The following GGNBP2 variants were observed in gnomAD, a reference collection of about 807,000 sequenced individuals.
GGNBP2 encodes the protein gametogenetin binding protein 2, also known as gametogenetin-binding protein 2.
Under a neutral mutation model 85.9 loss-of-function variants are expected in GGNBP2, and 10 were observed. The observed-to-expected ratio is 0.12, with a 90% CI of 0.07 to 0.20. The LOEUF (loss-of-function observed/expected upper bound fraction) is 0.20, where lower values mean the gene tolerates loss of function less well. Among genes scored for constraint, GGNBP2 ranks in the 10% least tolerant of loss-of-function variants. The pLI is 1.00. For synonymous variants in GGNBP2, 287 were observed against 285.7 expected (o/e 1.00, Z -0.05); for missense variants, 595 against 857.8 (o/e 0.69, Z 3.83).
At chr17:36,563,899 A>C (rs1424137912) in intron 5 of GGNBP2, among the ~76,000 whole-genome samples, 1 of 151,944 alleles carries the variant, frequency 6.6e-6, no homozygotes, top group African/African-American at 2.4e-5. Context: ...ACCTGCTACC[A>C]TGCCCGGCTA....
intron 4 of GGNBP2, among the ~76,000 whole-genome samples, chr17:36,558,078 G>C (rs1003689915): frequency 6.6e-6 from 1 of 150,782 alleles, no homozygotes. Flanking sequence ...CGCCACTGCA[G>C]TCCAGCCAGG....
Position 36,581,495 on chromosome 17 carries a change from C to T in GGNBP2, c.1172C>T (p.Thr391Ile). Residue 391 changes from threonine (T) to isoleucine (I), a missense_variant, in exon 9 of 14, where the codon ACT becomes ATT. Physicochemically the swap from Thr to Ile is moderately conservative, Grantham distance 89 (BLOSUM62 -1). Around this residue, in one of 9 missense-constraint regions of GGNBP2, gnomAD observed 85 missense variants for 92.6 expected, o/e 0.92. Coordinates refer to ENST00000613102, the MANE Select transcript of GGNBP2 (RefSeq NM_024835.5). ...AATAAGTGTGTGTGTGATATTCCTA[C>T]TCCCTTACAAACAGCAGATGAAAAG... Reference protein sequence around the residue: ...RKNKCVCDIPTPLQTADEKEV... With the variant: ...RKNKCVCDIPIPLQTADEKEV... 6.2e-7 allele frequency: 1 copy of T among 1,612,426 alleles called. No individual in the cohort carries two copies. Among genetic ancestry groups the T allele is most frequent in the Non-Finnish European group, 8.5e-7 (1 of 1,179,412 alleles).
Position 36,587,075 on chromosome 17 carries a change from C to A in GGNBP2, c.1720C>A (p.Arg574Ser), listed in dbSNP as rs374502070. ...SGNTMHTVFH[R>S]DKTKDTHPES... ...AAATACCATGCACACAGTGTTTCAC[C>A]GTGACAAGACCAAAGATACACATCC... is the stretch of plus-strand genomic sequence containing the variant. Residue 574 changes from arginine (R) to serine (S), a missense_variant, in exon 13 of 14, where the codon CGT becomes AGT. By Grantham distance (110) the Arg-to-Ser change is moderately radical. Transcript: ENST00000613102. 2 of 1,613,810 alleles carry A rather than the reference C, an allele frequency of 1.2e-6. No homozygotes were observed. The highest frequency in any genetic ancestry group is 2.7e-5 in the African/African-American group (2 of 74,998).
chr17:36,571,936 C>A (rs960963705), intron 6 of GGNBP2, among the ~76,000 whole-genome samples: 3 of 151,916 alleles, frequency 2.0e-5, no homozygotes, highest in Non-Finnish European at 4.4e-5. Context: ...GCAGTTTCAT[C>A]TACTCGGGAG....
intron 8 of GGNBP2, among the ~76,000 whole-genome samples, chr17:36,580,695 G>A (rs531329487): frequency 1.1e-3 from 163 of 151,926 alleles, no homozygotes; most frequent in Middle Eastern, 3.4e-3. Context: ...CAAGGTGGGC[G>A]GATCACTTGA....
rs1347274605 is a variant in GGNBP2, at chr17:36,575,641, TATA to T, written c.642-2341_642-2339del. ...ATATATATATATATATATATATATA[TATA>T]TATATTTTTTTTTTTTTTTGAGATG... is the stretch of plus-strand genomic sequence containing the variant. On this transcript the variant is annotated intron_variant, in intron 6 of 13. Transcript: ENST00000613102. Among the ~76,000 whole-genome samples the T allele has an allele frequency of 7.9e-4, 44 of 55,660 alleles. 1 individual carries two copies. In the East Asian group the frequency reaches 0.011, roughly 14 times the overall value. 36.5% of individuals were successfully genotyped at this position (55,660 alleles called of 152,430 possible). A position where few individuals can be genotyped will look rare whatever the true frequency, so the allele number is the denominator to read the frequency against.
intron 5 of GGNBP2, among the ~76,000 whole-genome samples, chr17:36,565,662 CCGA>C (rs2074460559): frequency 6.6e-6 from 1 of 152,064 alleles, no homozygotes; most frequent in African/African-American, 2.4e-5. Context: ...CTTTGGGAGG[CCGA>C]TGCAGGCAGA....
At chr17:36,549,990 T>G (rs1382849615) in intron 2 of GGNBP2, among the ~76,000 whole-genome samples, 1 of 151,730 alleles carries the variant, frequency 6.6e-6, no homozygotes, top group Non-Finnish European at 1.5e-5. Flanking sequence ...TAGGCTGGAG[T>G]GCAGTGGTGT....
At position 36,557,190 on chromosome 17, in the gene GGNBP2, C is replaced by T. The variant is rs2074370889; in HGVS notation, c.282C>T (p.Arg94=). ...SQLVPCVGCR[R]SVERLFSQLV... is the part of the protein sequence containing the mutation. ...TTGTCCCATGTGTTGGTTGTCGTCG[C>T]AGTGTGGAGCGTCTCTTTTCCCAGC... Residue 94 remains arginine, a synonymous_variant, in exon 4 of 14, where the codon CGC becomes CGT. Transcript: ENST00000613102. 1 of 1,614,086 alleles carries T rather than the reference C, an allele frequency of 6.2e-7. No individual in the cohort carries two copies. Among genetic ancestry groups the T allele is most frequent in the Non-Finnish European group, 8.5e-7 (1 of 1,180,016 alleles).
At chr17:36,564,909 G>T (rs749074873) in intron 5 of GGNBP2, among the ~76,000 whole-genome samples, 1 of 152,144 alleles carries the variant, frequency 6.6e-6, no homozygotes, top group Non-Finnish European at 1.5e-5. Flanking sequence ...CCAGGTTATT[G>T]TCTGTCTGGG....
chr17:36,575,769 C>T (rs1198675908), intron 6 of GGNBP2, among the ~76,000 whole-genome samples: 4 of 149,812 alleles, frequency 2.7e-5, no homozygotes, highest in Non-Finnish European at 5.9e-5. Flanking sequence ...GCCTCAGCCT[C>T]CTGAGTAGCT....
intron 5 of GGNBP2, among the ~76,000 whole-genome samples, chr17:36,561,942 A>G (rs2074421295): frequency 6.6e-6 from 1 of 151,932 alleles, no homozygotes; most frequent in South Asian, 2.1e-4. Flanking sequence ...TTTTAAGCAA[A>G]TATTGCCTGA....
intron 3 of GGNBP2, among the ~76,000 whole-genome samples, chr17:36,555,896 T>C (rs1438840833): frequency 1.3e-5 from 2 of 152,210 alleles, no homozygotes; most frequent in Non-Finnish European, 2.9e-5. Flanking sequence ...CGATCCTTGG[T>C]TGGTTAAATT....
chr17:36,559,111 C>G (rs2074391790), intron 4 of GGNBP2, among the ~76,000 whole-genome samples: 1 of 151,626 alleles, frequency 6.6e-6, no homozygotes, highest in Non-Finnish European at 1.5e-5. Context: ...ACCAGCTTGG[C>G]CAACATGGTG....
intron 6 of GGNBP2, chr17:36,574,833 A>T (rs2065975940): frequency 4.4e-6 from 3 of 687,232 alleles, no homozygotes; most frequent in African/African-American, 3.5e-5. Context: ...TTGTTCCCCC[A>T]GTAGCCTCTG....
intron 6 of GGNBP2, chr17:36,577,298 T>C (rs1404825469): frequency 6.6e-6 from 1 of 152,236 alleles, no homozygotes; most frequent in Non-Finnish European, 1.5e-5. Context: ...CAAACTCTTC[T>C]ATTCTTTTGC....
At chr17:36,548,555 C>A (rs981450459) in intron 2 of GGNBP2, among the ~76,000 whole-genome samples, 2 of 125,040 alleles carry the variant, frequency 1.6e-5, no homozygotes, top group African/African-American at 6.1e-5. Context: ...GTGGAGGTTG[C>A]GGTGAGCCGA....
In GGNBP2 at chr17:36,575,506, G is replaced by C. The variant is rs367611208; in HGVS notation, c.642-2477G>C. ...TTTAATCCATTTTGTGTTAATTTTT[G>C]TATATTTTTGCCCATATTTAAAACT... On this transcript the variant is annotated intron_variant, in intron 6 of 13. Coordinates refer to ENST00000613102, the MANE Select transcript of GGNBP2 (RefSeq NM_024835.5). Among the ~76,000 whole-genome samples the C allele has an allele frequency of 5.3e-4, 80 of 150,512 alleles. 1 individual carries two copies. In the South Asian group the frequency reaches 0.016, roughly 31 times the overall value.
chr17:36,549,082 T>G (rs1280793044), intron 2 of GGNBP2, among the ~76,000 whole-genome samples: 5 of 152,160 alleles, frequency 3.3e-5, no homozygotes, highest in Non-Finnish European at 7.3e-5. Context: ...TCCAAATAAG[T>G]TGGTGGAATG....
Sources: allele counts gnomAD v4.1 joint callset (sites outside exome capture counted in the v4.1 genomes callset), GRCh38; gene constraint gnomAD v4.1.1; regional missense constraint gnomAD v4.1.1; transcripts MANE v1.5; gene names NCBI Gene and HGNC (gene_info 2026-07-23, HGNC 2026-07-21).